The following CELF1 variants were observed in gnomAD, a reference collection of about 807,000 sequenced individuals.
The protein encoded by CELF1 is 50 kDa nuclear polyadenylated RNA-binding protein.
A neutral mutation model predicts 61.8 loss-of-function variants in CELF1; 10 were observed. The observed-to-expected ratio is 0.16, with a 90% CI of 0.10 to 0.27. CELF1 has a LOEUF of 0.27. Ranked by LOEUF, CELF1 falls within the 10% of genes least tolerant of loss-of-function variation. The pLI, the probability that CELF1 is intolerant of heterozygous loss-of-function variation, is 1.00. For missense variants in CELF1, 380 were observed against 639.1 expected (o/e 0.59, Z 4.37); for synonymous variants, 236 against 225.1 (o/e 1.05, Z -0.43).
chr11:47,492,172 G>A (rs2091777927), intron 3 of CELF1, among the ~76,000 whole-genome samples: 1 of 152,000 alleles, frequency 6.6e-6, no homozygotes, highest in Non-Finnish European at 1.5e-5. Context: ...TAGAGAGAGG[G>A]TCTCACTATG....
At position 47,501,539 on chromosome 11, in the gene CELF1, G is replaced by A. The variant is rs183351852; in HGVS notation, c.-153-607C>T. On this transcript the variant is annotated intron_variant, in intron 1 of 14. Coordinates refer to ENST00000687097, the MANE Select transcript of CELF1 (RefSeq NM_001376376.1). ...AAAGGCTGAGCAACAACAGCTCATG[G>A]TGGCTCACGCCTGTAATCAATCCCA... Among the ~76,000 whole-genome samples the A allele has an allele frequency of 1.3e-4, 20 of 152,316 alleles. No individual in the cohort carries two copies. In the East Asian group the frequency reaches 3.7e-3, roughly 28 times the overall value.
chr11:47,488,781 A>AC, intron 4 of CELF1, 56 bp downstream of exon 4: 1 of 1,337,758 alleles, frequency 7.5e-7, no homozygotes, highest in Non-Finnish European at 9.8e-7. Context: ...CAAAGCCCTC[A>AC]CCTGCTCTGA....
At chr11:47,541,036 G>A (rs1218319074) in intron 1 of CELF1, among the ~76,000 whole-genome samples, 1 of 152,194 alleles carries the variant, frequency 6.6e-6, no homozygotes, top group Non-Finnish European at 1.5e-5. Flanking sequence ...AGAAACACTA[G>A]CTGAGCTATG....
At chr11:47,516,076 G>A (rs2095537038) in intron 1 of CELF1, among the ~76,000 whole-genome samples, 1 of 151,416 alleles carries the variant, frequency 6.6e-6, no homozygotes, top group Non-Finnish European at 1.5e-5. Flanking sequence ...GGTGGCAGGC[G>A]CCTGTAATCC....
intron 3 of CELF1, among the ~76,000 whole-genome samples, chr11:47,492,226 C>T (rs1484414276): frequency 1.3e-5 from 2 of 152,116 alleles, no homozygotes; most frequent in Admixed American, 6.6e-5. Context: ...ACGATTCTCC[C>T]ACCTCAGCCT....
At chr11:47,481,099 CTTCTTTTTT>C (rs2082901087) in intron 9 of CELF1, among the ~76,000 whole-genome samples, 4 of 62,292 alleles carry the variant, frequency 6.4e-5, no homozygotes, top group Admixed American at 4.4e-4. Context: ...TTTTTTTCTT[CTTCTTTTTT>C]TTTTTTTTTT....
chr11:47,560,362 G>A (rs542496298), intron 2 of CELF1, among the ~76,000 whole-genome samples: 68 of 152,118 alleles, frequency 4.5e-4, no homozygotes, highest in African/African-American at 1.5e-3. Flanking sequence ...TTTAGTGAGT[G>A]GAGGATGCGC....
At chr11:47,497,940 G>C (rs72907957) in intron 3 of CELF1, among the ~76,000 whole-genome samples, 2,469 of 152,306 alleles carry the variant, frequency 0.016, 31 homozygotes, top group Non-Finnish European at 0.022. Flanking sequence ...TACAATGAAA[G>C]ACAATTTGAG....
intron 1 of CELF1, among the ~76,000 whole-genome samples, chr11:47,541,344 A>G (rs534717095): frequency 1.4e-4 from 22 of 152,318 alleles, no homozygotes; most frequent in African/African-American, 4.8e-4. Context: ...AAGTGGTGAC[A>G]GTTTCTAACT....
At chr11:47,515,623 A>T (rs191282792) in intron 1 of CELF1, among the ~76,000 whole-genome samples, 10 of 152,344 alleles carry the variant, frequency 6.6e-5, no homozygotes, top group Admixed American at 2.6e-4. Flanking sequence ...AGCGACTTTT[A>T]AAATCACCTT....
intron 1 of CELF1, among the ~76,000 whole-genome samples, chr11:47,547,898 A>G (rs1391862719): frequency 6.6e-6 from 1 of 152,176 alleles, no homozygotes; most frequent in Non-Finnish European, 1.5e-5. Context: ...GTTATTGCTT[A>G]ATGGTTACAG....
rs1332207984 is a variant in CELF1 at position 47,553,037 on chromosome 11, C to T, written c.-199G>A. 6 of 398,280 alleles carry T rather than the reference C, an allele frequency of 1.5e-5. No individual in the cohort carries two copies. Among genetic ancestry groups the T allele is most frequent in the Non-Finnish European group, 2.6e-5 (6 of 227,756 alleles). 24.7% of individuals were successfully genotyped at this position (398,280 alleles called of 1,614,324 possible). ...GCCGCTGCCTCAGTTGCTGCCTGCG[C>T]CTCCGCAGCCGCCGCCGCCGCCTCG... On this transcript the variant is annotated 5_prime_UTR_variant, in exon 1 of 15. Transcript: ENST00000687097.
At chr11:47,546,778 C>T (rs368331063) in intron 1 of CELF1, among the ~76,000 whole-genome samples, 1 of 151,902 alleles carries the variant, frequency 6.6e-6, no homozygotes, top group African/African-American at 2.4e-5. Flanking sequence ...TTTTTGAAAA[C>T]GCTGTGCCAG....
intron 1 of CELF1, among the ~76,000 whole-genome samples, chr11:47,532,034 T>A (rs1257235253): frequency 6.6e-6 from 1 of 151,684 alleles, no homozygotes; most frequent in Admixed American, 6.6e-5. Context: ...CTCTTATTTT[T>A]ATTTTTTTTT....
At chr11:47,559,049 TATA>T (rs1210938448) in intron 2 of CELF1, among the ~76,000 whole-genome samples, 1 of 142,082 alleles carries the variant, frequency 7.0e-6, no homozygotes, top group Non-Finnish European at 1.5e-5. Context: ...CATATAATAA[TATA>T]ATATGTTATA....
At chr11:47,539,096 C>T (rs2096710316) in intron 1 of CELF1, among the ~76,000 whole-genome samples, 1 of 152,150 alleles carries the variant, frequency 6.6e-6, no homozygotes, top group Admixed American at 6.5e-5. Flanking sequence ...AAGACTGAAT[C>T]CATATGCCTC....
At chr11:47,534,254 T>G (rs946508748) in intron 1 of CELF1, among the ~76,000 whole-genome samples, 16 of 150,932 alleles carry the variant, frequency 1.1e-4, no homozygotes, top group Non-Finnish European at 8.9e-5. Flanking sequence ...GGTCTCGAAC[T>G]CCTGACCTCA....
At chr11:47,560,542 G>C (rs1180448653) in intron 2 of CELF1, among the ~76,000 whole-genome samples, 1 of 152,198 alleles carries the variant, frequency 6.6e-6, no homozygotes, top group African/African-American at 2.4e-5. Context: ...CAGATCCACT[G>C]AGACAGAAAG....
At chr11:47,490,164 G>C (rs1226067089) in intron 3 of CELF1, among the ~76,000 whole-genome samples, 1 of 151,348 alleles carries the variant, frequency 6.6e-6, no homozygotes, top group Non-Finnish European at 1.5e-5. Context: ...GTCTCGAACT[G>C]ACCTCAGGTG....
Sources: gnomAD v4.1 joint callset for allele counts (sites outside exome capture counted in the v4.1 genomes callset) on GRCh38, gnomAD v4.1.1 for gene constraint, MANE v1.5 for transcripts, NCBI Gene and HGNC (gene_info 2026-07-23, HGNC 2026-07-21) for gene names.